Variants in CHPT1 observed in about 807,000 individuals in gnomAD.
CHPT1 encodes choline phosphotransferase 1, also known as cholinephosphotransferase 1.
Under a neutral mutation model 47.6 loss-of-function variants are expected in CHPT1, and 36 were observed. The observed-to-expected ratio is 0.76, with a 90% CI of 0.58 to 1.00. The LOEUF (loss-of-function observed/expected upper bound fraction) is 1.00, where lower values mean the gene tolerates loss of function less well. Ranked by LOEUF, CHPT1 falls within the 50% of genes least tolerant of loss-of-function variation. The probability of loss-of-function intolerance (pLI) is 0.00; values close to 1 mark genes in which losing one functional copy is unlikely to be tolerated. For missense variants in CHPT1, 458 were observed against 498.1 expected (o/e 0.92, Z 0.77); for synonymous variants, 194 against 186.3 (o/e 1.04, Z -0.33).
chr12:101,699,776 G>C lies in CHPT1; in HGVS notation c.273+1642G>C, dbSNP rs1951526239. Among the ~76,000 whole-genome samples, 3 of 152,184 alleles carry C rather than the reference G, an allele frequency of 2.0e-5. No individual in the cohort carries two copies. The South Asian group carries it at 6.2e-4, about 32-fold the overall frequency. On this transcript the variant is annotated intron_variant, in intron 1 of 8. Coordinates refer to ENST00000229266, the MANE Select transcript of CHPT1 (RefSeq NM_020244.3). ...ACATATGAAAAAGTAAGCTGCTTTA[G>C]TTTTTGGCTGTTTTGCTGCCTGTTT... is the stretch of plus-strand genomic sequence containing the variant.
At chr12:101,719,758 G>A in intron 4 of CHPT1, 1 of 237,340 alleles carries the variant, frequency 4.2e-6, no homozygotes, top group Non-Finnish European at 8.3e-6. Context: ...TGGTTTGGTG[G>A]ATTCATCTTT....
chr12:101,716,824 TATTTAA>T lies in CHPT1; in HGVS notation c.648+18_648+23del. 2 of 1,457,174 alleles carry T rather than the reference TATTTAA, an allele frequency of 1.4e-6. No individual in the cohort carries two copies. The highest frequency in any genetic ancestry group is 1.4e-5 in the African/African-American group (1 of 70,200). The allele number at this position is 1,457,174 out of a possible 1,614,324, so 90.3% of individuals were successfully genotyped here. ...TGTGGGACTATACGGTAAATCTGAA[TATTTAA>T]ATTTATATTTAAGTACTTTTCAAAT... On this transcript the variant is annotated intron_variant, in intron 4 of 8. Coordinates refer to ENST00000229266, the MANE Select transcript of CHPT1 (RefSeq NM_020244.3).
At chr12:101,727,711 C>G (rs1951995435) in intron 8 of CHPT1, 1 of 152,064 alleles carries the variant, frequency 6.6e-6, no homozygotes, top group Admixed American at 6.5e-5. Flanking sequence ...ATGAATAGTA[C>G]TTATGATTTA....
At chr12:101,722,498 A>G (rs182009310) in intron 5 of CHPT1, among the ~76,000 whole-genome samples, 83 of 152,202 alleles carry the variant, frequency 5.5e-4, no homozygotes, top group African/African-American at 2.0e-3. Context: ...ACAATTTTAC[A>G]TAAAAGAACA....
At position 101,697,920 on chromosome 12, in the gene CHPT1, C is replaced by T; in HGVS notation, c.59C>T (p.Pro20Leu). The part of the protein sequence containing the change: ...APRWLRALSE[P>L]LSAAQLRRLE... The stretch of plus-strand genomic sequence containing the variant: ...CGCTGGCTGAGGGCGCTGAGCGAGC[C>T]GCTGAGCGCGGCGCAGCTGCGGCGA... Residue 20 changes from proline to leucine, a missense_variant, in exon 1 of 9, where the codon CCG becomes CTG. Coordinates refer to ENST00000229266, the MANE Select transcript of CHPT1 (RefSeq NM_020244.3). 1 of 1,441,210 alleles carries T rather than the reference C, an allele frequency of 6.9e-7. No individual in the cohort carries two copies. Among genetic ancestry groups the T allele is most frequent in the Non-Finnish European group, 9.1e-7 (1 of 1,100,272 alleles). 89.3% of individuals were successfully genotyped at this position (1,441,210 alleles called of 1,614,324 possible).
In CHPT1 at chr12:101,723,752, C is replaced by T; in HGVS notation, c.970C>T (p.Leu324Phe). 9 of 1,588,436 alleles carry T rather than the reference C, an allele frequency of 5.7e-6. No homozygotes were observed. Among genetic ancestry groups the T allele is most frequent in the Non-Finnish European group, 6.9e-6 (8 of 1,163,680 alleles). ...TCACATGACCAAAAGTGAACTATAT[C>T]TTCAAGACACTGTCTTTTTGGGGCC... ...VAHMTKSELYLQDTVFLGPGL... is the reference protein window; with the variant it reads ...VAHMTKSELYFQDTVFLGPGL... Residue 324 changes from leucine (L) to phenylalanine (F), a missense_variant, in exon 7 of 9, where the codon CTT (leucine) becomes TTT (phenylalanine). Leu to Phe is a conservative substitution (Grantham distance 22). Transcript: ENST00000229266.
intron 8 of CHPT1, chr12:101,727,600 A>G (rs1951990609): frequency 6.6e-6 from 1 of 152,206 alleles, no homozygotes; most frequent in Non-Finnish European, 1.5e-5. Flanking sequence ...AAGCAAAAAA[A>G]CATACTTATG....
At chr12:101,703,766 G>C (rs1951589618) in intron 1 of CHPT1, among the ~76,000 whole-genome samples, 1 of 152,138 alleles carries the variant, frequency 6.6e-6, no homozygotes, top group South Asian at 2.1e-4. Flanking sequence ...GCACTTATTG[G>C]GTTAGAGCAG....
intron 3 of CHPT1, among the ~76,000 whole-genome samples, chr12:101,716,127 GGAGA>G (rs1006125690): frequency 1.4e-4 from 21 of 152,128 alleles, no homozygotes; most frequent in African/African-American, 4.8e-4. Context: ...GTGGAGCATA[GGAGA>G]GAGAGTGACA....
intron 5 of CHPT1, among the ~76,000 whole-genome samples, chr12:101,720,971 C>T (rs1484702744): frequency 3.3e-5 from 5 of 152,102 alleles, no homozygotes; most frequent in Non-Finnish European, 5.9e-5. Flanking sequence ...CCATCTTATA[C>T]CAAACCATTG....
At chr12:101,723,996 C>G in intron 7 of CHPT1, 149 bp downstream of exon 7, 1 of 565,076 alleles carries the variant, frequency 1.8e-6, no homozygotes, top group Non-Finnish European at 3.0e-6. Flanking sequence ...GTGGACGGAT[C>G]ATTTGAGGTC....
At chr12:101,718,389 G>A (rs940656945) in intron 4 of CHPT1, among the ~76,000 whole-genome samples, 1 of 152,120 alleles carries the variant, frequency 6.6e-6, no homozygotes, top group African/African-American at 2.4e-5. Context: ...CTCAAATTTT[G>A]TTGCAAACCT....
At chr12:101,700,739 G>A (rs1594120651) in intron 1 of CHPT1, among the ~76,000 whole-genome samples, 2 of 152,328 alleles carry the variant, frequency 1.3e-5, no homozygotes, top group East Asian at 1.9e-4. Flanking sequence ...AGGTTAGCAA[G>A]TTTTCCGCTT....
At chr12:101,698,297 G>A (rs1474238664) in intron 1 of CHPT1, among the ~76,000 whole-genome samples, 163 bp downstream of exon 1, 1 of 152,188 alleles carries the variant, frequency 6.6e-6, no homozygotes, top group African/African-American at 2.4e-5. Context: ...GCCGCCTGGA[G>A]ACTGTCACGC....
intron 1 of CHPT1, among the ~76,000 whole-genome samples, chr12:101,707,994 A>C (rs1177121205): frequency 6.6e-6 from 1 of 152,216 alleles, no homozygotes; most frequent in African/African-American, 2.4e-5. Context: ...GTTTTCTGGA[A>C]GAGTAAATCA....
intron 5 of CHPT1, among the ~76,000 whole-genome samples, chr12:101,720,886 C>A (rs188040170): frequency 5.1e-4 from 78 of 152,208 alleles, no homozygotes; most frequent in Admixed American, 1.1e-3. Flanking sequence ...AAATATAACA[C>A]CTATGTTTTT....
chr12:101,719,946 A>T (rs1033679904), intron 4 of CHPT1, 177 bp from the exon 5 acceptor site: 7 of 345,276 alleles, frequency 2.0e-5, no homozygotes, highest in East Asian at 1.1e-4. Context: ...AAAAACTAAA[A>T]AAAAAAGTTA....
chr12:101,700,294 T>A (rs1184751514), intron 1 of CHPT1, among the ~76,000 whole-genome samples: 5 of 146,832 alleles, frequency 3.4e-5, no homozygotes, highest in African/African-American at 1.3e-4. Flanking sequence ...ACGTTTATGA[T>A]TAATTAGTTT....
Position 101,703,419 on chromosome 12 carries a change from C to T in CHPT1, c.273+5285C>T, listed in dbSNP as rs142234323. Among the ~76,000 whole-genome samples the T allele has an allele frequency of 3.3e-5, 5 of 152,284 alleles. No homozygotes were observed. The East Asian group carries it at 9.6e-4, about 29-fold the overall frequency. ...ACAGATTTATCAGGTCATGAGAAAACCCCATTGGCCCTGAAGTGCTGGTTT... is the reference window on the plus strand; with the variant it reads ...ACAGATTTATCAGGTCATGAGAAAATCCCATTGGCCCTGAAGTGCTGGTTT... On this transcript the variant is annotated intron_variant, in intron 1 of 8. Transcript: ENST00000229266.
Sources: gnomAD v4.1 joint callset for allele counts (sites outside exome capture counted in the v4.1 genomes callset) on GRCh38, gnomAD v4.1.1 for gene constraint, MANE v1.5 for transcripts, NCBI Gene and HGNC (gene_info 2026-07-23, HGNC 2026-07-21) for gene names.